DTNA: variants seen among roughly 807,000 people sequenced by gnomAD.
The protein encoded by DTNA is dystrobrevin alpha, also known as dystrophin-related protein 3.
In DTNA, 43 loss-of-function variants were observed where a neutral mutation model predicts 100.7. That is an observed-to-expected ratio of 0.43 (90% confidence interval 0.33 to 0.55). The LOEUF (loss-of-function observed/expected upper bound fraction) is 0.55. Among genes scored for constraint, DTNA ranks in the 20% least tolerant of loss-of-function variants. The probability of loss-of-function intolerance (pLI) is 0.04; values close to 1 mark genes in which losing one functional copy is unlikely to be tolerated. For synonymous variants in DTNA, 349 were observed against 347.9 expected (o/e 1.00, Z -0.04); for missense variants, 798 against 953.9 (o/e 0.84, Z 2.15).
intron 1 of DTNA, among the ~76,000 whole-genome samples, chr18:34,727,484 A>C (rs1568334575): frequency 6.6e-6 from 1 of 152,188 alleles, no homozygotes; most frequent in Non-Finnish European, 1.5e-5. Flanking sequence ...TTTTCACTGT[A>C]AAACAAACTA....
chr18:34,508,332 A>C (rs2040700563), intron 1 of DTNA, among the ~76,000 whole-genome samples: 1 of 152,146 alleles, frequency 6.6e-6, no homozygotes, highest in Admixed American at 6.6e-5. Flanking sequence ...GCGTATGTGG[A>C]TGTCCAAATT....
At chr18:34,833,835 TA>T (rs1408542896) in intron 11 of DTNA, among the ~76,000 whole-genome samples, 1 of 152,192 alleles carries the variant, frequency 6.6e-6, no homozygotes, top group Non-Finnish European at 1.5e-5. Flanking sequence ...TTTCGGAGCT[TA>T]AAAGGAAGAA....
intron 1 of DTNA, among the ~76,000 whole-genome samples, chr18:34,667,841 G>T (rs1330139016): frequency 6.6e-6 from 1 of 152,154 alleles, no homozygotes; most frequent in African/African-American, 2.4e-5. Flanking sequence ...TTTTATTGAG[G>T]ATTTTTGCAT....
chr18:34,653,911 A>G (rs1056918458), intron 1 of DTNA, among the ~76,000 whole-genome samples: 3 of 152,196 alleles, frequency 2.0e-5, no homozygotes, highest in African/African-American at 7.2e-5. Context: ...GAGACTCACA[A>G]TACAGTATAT....
Position 34,598,603 on chromosome 18 carries a change from G to A in DTNA, c.-2+105089G>A, listed in dbSNP as rs562092361. On this transcript the variant is annotated intron_variant, in intron 1 of 19. Transcript: ENST00000283365. ...GCCTTGGCCAGGCGCATTGGTTCAC[G>A]CCTGTAATTGAGCACTTTGGGAGGC... is the stretch of plus-strand genomic sequence containing the variant. Among the ~76,000 whole-genome samples, 3 of 152,198 alleles carry A rather than the reference G, an allele frequency of 2.0e-5. No individual in the cohort carries two copies. In the South Asian group the frequency reaches 6.2e-4, roughly 32 times the overall value.
intron 1 of DTNA, among the ~76,000 whole-genome samples, chr18:34,547,262 T>C (rs1321913014): frequency 6.6e-6 from 1 of 151,912 alleles, no homozygotes; most frequent in Non-Finnish European, 1.5e-5. Context: ...GCTATTGTTA[T>C]ATTATAATGA....
upstream of DTNA, among the ~76,000 whole-genome samples, chr18:34,706,531 G>T (rs2082141555): frequency 6.6e-6 from 1 of 151,984 alleles, no homozygotes; most frequent in Admixed American, 6.5e-5. Flanking sequence ...AGAGGCTTGA[G>T]GATAAATTTC....
chr18:34,825,204 A>G (rs2095831819), intron 9 of DTNA: 2 of 1,606,812 alleles, frequency 1.2e-6, no homozygotes, highest in African/African-American at 2.7e-5. Context: ...TAGCTATTGT[A>G]TTGCTTGTAA....
chr18:34,499,815 G>T (rs2039693154), intron 1 of DTNA, among the ~76,000 whole-genome samples: 1 of 151,880 alleles, frequency 6.6e-6, no homozygotes, highest in Non-Finnish European at 1.5e-5. Context: ...GGATTGTTTG[G>T]GAGTTTTTTA....
intron 1 of DTNA, among the ~76,000 whole-genome samples, chr18:34,638,748 A>G (rs948840540): frequency 6.6e-6 from 1 of 152,244 alleles, no homozygotes; most frequent in Non-Finnish European, 1.5e-5. Context: ...TCCACTATTC[A>G]GGAAAATAGG....
chr18:34,830,671 A>C (rs1272978930), intron 11 of DTNA, among the ~76,000 whole-genome samples: 1 of 152,116 alleles, frequency 6.6e-6, no homozygotes, highest in African/African-American at 2.4e-5. Flanking sequence ...GTCTTCTTAC[A>C]TGTGTGTATG....
At chr18:34,865,366 T>A (rs2150176980) in intron 17 of DTNA, among the ~76,000 whole-genome samples, 1 of 152,232 alleles carries the variant, frequency 6.6e-6, no homozygotes, top group African/African-American at 2.4e-5. Context: ...TCTTTCCTTC[T>A]TTGTTTTATT....
chr18:34,576,549 C>T (rs973393483), intron 1 of DTNA, among the ~76,000 whole-genome samples: 1 of 152,162 alleles, frequency 6.6e-6, no homozygotes. Context: ...ACCTCCTCCT[C>T]CCTGGTTCAA....
At chr18:34,860,257 C>T (rs1313519683) in intron 16 of DTNA, among the ~76,000 whole-genome samples, 1 of 93,382 alleles carries the variant, frequency 1.1e-5, no homozygotes, top group Non-Finnish European at 1.9e-5. Flanking sequence ...TTTGGAGAGA[C>T]GGGGTTTCAC....
At chr18:34,516,554 T>C (rs558761175) in intron 1 of DTNA, among the ~76,000 whole-genome samples, 2 of 152,182 alleles carry the variant, frequency 1.3e-5, no homozygotes, top group African/African-American at 4.8e-5. Flanking sequence ...ATACCTTATC[T>C]ACAACCATAT....
At chr18:34,666,908 C>CT (rs1665424593) in intron 1 of DTNA, among the ~76,000 whole-genome samples, 1 of 152,224 alleles carries the variant, frequency 6.6e-6, no homozygotes, top group South Asian at 2.1e-4. Context: ...GATGCGGGCT[C>CT]TTTTTTGGTT....
intron 1 of DTNA, among the ~76,000 whole-genome samples, chr18:34,602,273 T>C (rs555102872): frequency 1.2e-3 from 185 of 152,190 alleles, no homozygotes; most frequent in Non-Finnish European, 2.2e-3. Context: ...ATCCAATTTG[T>C]GTCCTTGGAA....
At chr18:34,657,527 C>G (rs185913351) in intron 1 of DTNA, among the ~76,000 whole-genome samples, 323 of 152,096 alleles carry the variant, frequency 2.1e-3, no homozygotes, top group African/African-American at 7.7e-3. Context: ...AACACAATGT[C>G]TTTTTTAATG....
At position 34,597,924 on chromosome 18, in the gene DTNA, G is replaced by A. The variant is rs143558243; in HGVS notation, c.-2+104410G>A. ...CACTGTTCTGGGAGTCCCTAATGCT[G>A]TGGCTTGTGTCTTACTCGCTTTTTT... On this transcript the variant is annotated intron_variant, in intron 1 of 19. Transcript: ENST00000283365. Among the ~76,000 whole-genome samples, 630 of 152,244 alleles carry A rather than the reference G, an allele frequency of 4.1e-3. 2 individuals are homozygous for A. The highest frequency in any genetic ancestry group is 0.014 in the Middle Eastern group (4 of 294).
Sources: gnomAD v4.1 joint callset for allele counts (sites outside exome capture counted in the v4.1 genomes callset) on GRCh38, gnomAD v4.1.1 for gene constraint, MANE v1.5 for transcripts, NCBI Gene and HGNC (gene_info 2026-07-23, HGNC 2026-07-21) for gene names.